The following KCNAB1 variants were observed in gnomAD, a reference collection of about 807,000 sequenced individuals.
KCNAB1 encodes the protein voltage-gated potassium channel subunit beta-1.
Under a neutral mutation model 64.6 loss-of-function variants are expected in KCNAB1, and 35 were observed. The ratio of observed to expected loss-of-function variants is 0.54; its 90% CI spans 0.41 to 0.72. KCNAB1 has a LOEUF of 0.72. Among genes scored for constraint, KCNAB1 ranks in the 30% least tolerant of loss-of-function variants. The pLI, the probability that KCNAB1 is intolerant of heterozygous loss-of-function variation, is 0.00. For synonymous variants in KCNAB1, 177 were observed against 183.8 expected (o/e 0.96, Z 0.30); for missense variants, 401 against 512.9 (o/e 0.78, Z 2.11).
At chr3:156,300,650 T>C (rs1332569764) in intron 1 of KCNAB1, among the ~76,000 whole-genome samples, 4 of 152,218 alleles carry the variant, frequency 2.6e-5, no homozygotes, top group Admixed American at 2.0e-4. Context: ...TTTTGAATTA[T>C]TCTATGAAAC....
chr3:156,504,302 A>T (rs534224801), intron 8 of KCNAB1, among the ~76,000 whole-genome samples: 3 of 152,098 alleles, frequency 2.0e-5, no homozygotes, highest in Non-Finnish European at 4.4e-5. Flanking sequence ...TTTCTTTATC[A>T]ATTCATCTGT....
chr3:156,392,909 T>C (rs1414862948), intron 1 of KCNAB1, among the ~76,000 whole-genome samples: 11 of 152,264 alleles, frequency 7.2e-5, no homozygotes, highest in Admixed American at 7.2e-4. Context: ...GATTGGTCAG[T>C]AACTTTACTT....
At chr3:156,311,014 A>G (rs923685706) in intron 1 of KCNAB1, among the ~76,000 whole-genome samples, 4 of 152,124 alleles carry the variant, frequency 2.6e-5, no homozygotes, top group African/African-American at 9.7e-5. Context: ...GATCAACACT[A>G]TAAGCAGGTG....
chr3:156,182,323 G>A (rs1712866487), intron 1 of KCNAB1, among the ~76,000 whole-genome samples: 1 of 152,126 alleles, frequency 6.6e-6, no homozygotes, highest in Admixed American at 6.5e-5. Flanking sequence ...ATTTTATGAA[G>A]AAGAGATCAT....
chr3:156,140,055 G>A (rs1714616600), intron 1 of KCNAB1, among the ~76,000 whole-genome samples: 1 of 152,024 alleles, frequency 6.6e-6, no homozygotes, highest in South Asian at 2.1e-4. Context: ...TAAAAAGAAG[G>A]GAAGAGAAAA....
At chr3:156,208,593 C>CT (rs1329913209) in intron 1 of KCNAB1, among the ~76,000 whole-genome samples, 2 of 152,058 alleles carry the variant, frequency 1.3e-5, no homozygotes, top group Non-Finnish European at 2.9e-5. Flanking sequence ...GTGTTGTACT[C>CT]TGAGTGTGTT....
intron 1 of KCNAB1, among the ~76,000 whole-genome samples, chr3:156,267,506 A>G (rs968916942): frequency 6.6e-6 from 1 of 152,186 alleles, no homozygotes; most frequent in Non-Finnish European, 1.5e-5. Flanking sequence ...CTAGCCCTTT[A>G]TTCCAGGCTG....
chr3:156,434,557 A>G (rs1324129750), intron 2 of KCNAB1, among the ~76,000 whole-genome samples: 1 of 152,350 alleles, frequency 6.6e-6, no homozygotes, highest in East Asian at 1.9e-4. Context: ...AGGTGTCATC[A>G]TAGTAAACTA....
At chr3:156,318,475 G>A (rs1722444408) in intron 1 of KCNAB1, among the ~76,000 whole-genome samples, 1 of 152,108 alleles carries the variant, frequency 6.6e-6, no homozygotes, top group Admixed American at 6.5e-5. Flanking sequence ...TTGGAATATG[G>A]ACCCTATGCT....
intron 11 of KCNAB1, among the ~76,000 whole-genome samples, chr3:156,521,680 C>G (rs191565749): frequency 1.1e-4 from 16 of 152,334 alleles, no homozygotes; most frequent in Non-Finnish European, 1.3e-4. Flanking sequence ...CTCCAACCTT[C>G]CTACAAAACA....
intron 1 of KCNAB1, among the ~76,000 whole-genome samples, chr3:156,242,002 C>A (rs768939933): frequency 1.3e-5 from 2 of 152,156 alleles, no homozygotes; most frequent in East Asian, 3.9e-4. Flanking sequence ...TGAAGCAATT[C>A]GGACATCAAC....
At chr3:156,262,074 A>T (rs1005053983) in intron 1 of KCNAB1, among the ~76,000 whole-genome samples, 2 of 151,884 alleles carry the variant, frequency 1.3e-5, no homozygotes, top group East Asian at 3.8e-4. Flanking sequence ...TGTTAAATTC[A>T]TTTATTCTAG....
Position 156,257,700 on chromosome 3 carries a change from A to G in KCNAB1, c.275+136814A>G, listed in dbSNP as rs115162916. Among the ~76,000 whole-genome samples the G allele has an allele frequency of 2.4e-3, 359 of 152,284 alleles. 1 individual carries two copies. The highest frequency in any genetic ancestry group is 8.2e-3 in the African/African-American group (339 of 41,562). ...TGGATTCAGGATTGATGCCTTACAC[A>G]AAGACTGCCTTCCATCCATGGTGGC... On this transcript the variant is annotated intron_variant, in intron 1 of 13. Coordinates refer to ENST00000490337, the MANE Select transcript of KCNAB1 (RefSeq NM_172160.3).
At chr3:156,232,022 C>T (rs58119066) in intron 1 of KCNAB1, among the ~76,000 whole-genome samples, 2 of 152,108 alleles carry the variant, frequency 1.3e-5, no homozygotes, top group Non-Finnish European at 2.9e-5. Context: ...TTTGACTCTT[C>T]GTCAACATTA....
At chr3:156,185,088 G>C (rs35336094) in intron 1 of KCNAB1, among the ~76,000 whole-genome samples, 18,508 of 152,220 alleles carry the variant, frequency 0.12, 1,289 homozygotes, top group Non-Finnish European at 0.15. Context: ...TAAAACCCAG[G>C]ATTCCTGAAG....
chr3:156,272,630 G>A (rs1435912468), intron 1 of KCNAB1, among the ~76,000 whole-genome samples: 2 of 151,934 alleles, frequency 1.3e-5, no homozygotes, highest in African/African-American at 4.8e-5. Context: ...GCTCAGGGTA[G>A]GTTCAGAAAT....
At chr3:156,135,228 C>T (rs556068832) in intron 1 of KCNAB1, among the ~76,000 whole-genome samples, 18 of 152,220 alleles carry the variant, frequency 1.2e-4, no homozygotes, top group African/African-American at 4.1e-4. Flanking sequence ...AACTCCTGAC[C>T]TCAAGCGATC....
intron 1 of KCNAB1, among the ~76,000 whole-genome samples, chr3:156,181,711 G>A (rs547391163): frequency 1.3e-5 from 2 of 152,222 alleles, no homozygotes; most frequent in South Asian, 4.1e-4. Context: ...GTGACTAGTT[G>A]GCTGTGTGTG....
At chr3:156,411,741 C>T (rs1714679600) in intron 1 of KCNAB1, among the ~76,000 whole-genome samples, 2 of 152,110 alleles carry the variant, frequency 1.3e-5, no homozygotes, top group Non-Finnish European at 2.9e-5. Flanking sequence ...TTTATATGTG[C>T]TTCACTCCTT....
Sources: allele counts gnomAD v4.1 joint callset (sites outside exome capture counted in the v4.1 genomes callset), GRCh38; gene constraint gnomAD v4.1.1; transcripts MANE v1.5; gene names NCBI Gene and HGNC (gene_info 2026-07-23, HGNC 2026-07-21).